Variants in PLEKHM3 observed in about 807,000 individuals in gnomAD.
PLEKHM3 encodes the protein pleckstrin homology domain containing M3, also known as pleckstrin homology domain-containing family M member 3.
Under a neutral mutation model 81.8 loss-of-function variants are expected in PLEKHM3, and 45 were observed. That is an observed-to-expected ratio of 0.55 (90% CI 0.43 to 0.71). The LOEUF is 0.71. Ranked by LOEUF, PLEKHM3 falls within the 30% of genes least tolerant of loss-of-function variation. The pLI is 0.00. For synonymous variants in PLEKHM3, 352 were observed against 356.4 expected (o/e 0.99, Z 0.14); for missense variants, 788 against 924.3 (o/e 0.85, Z 1.91).
At chr2:207,979,289 C>T (rs1292469896) in intron 2 of PLEKHM3, among the ~76,000 whole-genome samples, 1 of 152,090 alleles carries the variant, frequency 6.6e-6, no homozygotes, top group African/African-American at 2.4e-5. Flanking sequence ...AATCCCAGCA[C>T]TTTGGGAAGC....
At chr2:207,946,874 A>G (rs1690150528) in intron 3 of PLEKHM3, among the ~76,000 whole-genome samples, 1 of 152,206 alleles carries the variant, frequency 6.6e-6, no homozygotes, top group Non-Finnish European at 1.5e-5. Flanking sequence ...TGCTGAAGGC[A>G]TCTCATACAG....
At chr2:207,997,348 A>G (rs1317774108) in intron 2 of PLEKHM3, among the ~76,000 whole-genome samples, 1 of 152,214 alleles carries the variant, frequency 6.6e-6, no homozygotes, top group Non-Finnish European at 1.5e-5. Flanking sequence ...TACCTGATGA[A>G]GAAGACCCTT....
intron 7 of PLEKHM3, among the ~76,000 whole-genome samples, chr2:207,840,343 A>C (rs1231078413): frequency 6.6e-6 from 1 of 152,008 alleles, no homozygotes; most frequent in Non-Finnish European, 1.5e-5. Context: ...AGTGTGTGCC[A>C]CCATGACTGG....
chr2:207,951,284 G>C (rs1690319487), intron 3 of PLEKHM3, among the ~76,000 whole-genome samples: 3 of 152,148 alleles, frequency 2.0e-5, no homozygotes, highest in African/African-American at 7.2e-5. Flanking sequence ...AAATAGAGCT[G>C]TAAAGTAGAG....
intron 2 of PLEKHM3, among the ~76,000 whole-genome samples, chr2:207,978,285 G>A (rs903786721): frequency 6.6e-6 from 1 of 151,372 alleles, no homozygotes; most frequent in Non-Finnish European, 1.5e-5. Context: ...CTTTGCCAGG[G>A]TTCCATGTTT....
intron 7 of PLEKHM3, among the ~76,000 whole-genome samples, chr2:207,830,326 G>C (rs2092278255): frequency 6.6e-6 from 1 of 152,038 alleles, no homozygotes; most frequent in African/African-American, 2.4e-5. Flanking sequence ...AAGATTAAAT[G>C]AGGTAGGCCG....
chr2:207,925,952 T>A (rs1265134579), intron 5 of PLEKHM3, among the ~76,000 whole-genome samples: 2 of 151,846 alleles, frequency 1.3e-5, no homozygotes. Context: ...CCTGACCGAG[T>A]TACGGATCTA....
chr2:207,893,245 GTACCATT>G (rs1688115664), intron 6 of PLEKHM3, among the ~76,000 whole-genome samples: 1 of 152,220 alleles, frequency 6.6e-6, no homozygotes, highest in Admixed American at 6.5e-5. Context: ...TGGCCAAAAT[GTACCATT>G]GTGCTGCTGT....
chr2:207,884,987 G>A (rs975711142), intron 6 of PLEKHM3, among the ~76,000 whole-genome samples: 1 of 152,192 alleles, frequency 6.6e-6, no homozygotes, highest in African/African-American at 2.4e-5. Flanking sequence ...GAGTTCGTTG[G>A]GTAGACGAAG....
intron 6 of PLEKHM3, among the ~76,000 whole-genome samples, chr2:207,889,434 AACACACACACACAC>A (rs35082335): frequency 8.1e-4 from 105 of 129,240 alleles, no homozygotes; most frequent in East Asian, 3.9e-3. Context: ...GGTTTTTTTC[AACACACACACACAC>A]ACACACACAC....
At chr2:207,938,210 G>C (rs1435753490) in intron 4 of PLEKHM3, among the ~76,000 whole-genome samples, 1 of 152,186 alleles carries the variant, frequency 6.6e-6, no homozygotes, top group African/African-American at 2.4e-5. Context: ...TTTTTGATTA[G>C]GGGGATAGGG....
At chr2:207,874,514 C>T (rs1226050805) in intron 6 of PLEKHM3, among the ~76,000 whole-genome samples, 3 of 151,014 alleles carry the variant, frequency 2.0e-5, no homozygotes, top group Non-Finnish European at 3.0e-5. Context: ...GCGGAGGTTG[C>T]GGTGAGCCGA....
chr2:207,933,163 C>G (rs1198405074), intron 4 of PLEKHM3, among the ~76,000 whole-genome samples: 2 of 152,058 alleles, frequency 1.3e-5, no homozygotes, highest in Non-Finnish European at 2.9e-5. Context: ...CTAGAATTAG[C>G]CAAAATCTTC....
chr2:207,847,033 T>C (rs2105894213), intron 7 of PLEKHM3, among the ~76,000 whole-genome samples: 1 of 152,270 alleles, frequency 6.6e-6, no homozygotes, highest in African/African-American at 2.4e-5. Context: ...AATTAAGCTG[T>C]CTGAAATGCT....
At chr2:207,992,315 G>A (rs1385955847) in intron 2 of PLEKHM3, among the ~76,000 whole-genome samples, 1 of 152,144 alleles carries the variant, frequency 6.6e-6, no homozygotes, top group Non-Finnish European at 1.5e-5. Flanking sequence ...TGTAGAATCA[G>A]GATAATATCA....
intron 2 of PLEKHM3, among the ~76,000 whole-genome samples, chr2:207,988,428 A>G (rs1466317710): frequency 6.6e-6 from 1 of 152,198 alleles, no homozygotes; most frequent in African/African-American, 2.4e-5. Context: ...TACTGTTGTG[A>G]GGAAGAAATA....
rs1252979239 is a variant in PLEKHM3, at chr2:207,976,576, T to C, written c.1546+75A>G. 7.0e-7 allele frequency: 1 copy of C among 1,427,766 alleles called. No homozygotes were observed. Among genetic ancestry groups the C allele is most frequent in the Admixed American group, 2.3e-5 (1 of 44,222 alleles). 88.4% of individuals were successfully genotyped at this position (1,427,766 alleles called of 1,614,324 possible). ...AGCTGTGACTAGCCTATTAAGGGGA[T>C]TTTTAAAGTGAATTCCAATTGTGGG... On this transcript the variant is annotated intron_variant, in intron 3 of 7. Transcript: ENST00000427836. This position sits in a 1 kb window ranked among gnomAD's most constrained non-coding sequence, Gnocchi z 4.1.
intron 4 of PLEKHM3, among the ~76,000 whole-genome samples, chr2:207,945,989 G>A (rs1690113801): frequency 6.6e-6 from 1 of 151,902 alleles, no homozygotes; most frequent in African/African-American, 2.4e-5. Flanking sequence ...GATTATATAA[G>A]GCCTTGCCTA....
intron 2 of PLEKHM3, among the ~76,000 whole-genome samples, chr2:207,982,743 T>C (rs929999058): frequency 6.6e-6 from 1 of 151,792 alleles, no homozygotes; most frequent in African/African-American, 2.4e-5. Flanking sequence ...CATGCCCGGC[T>C]TATTTTTGTA....
Sources: allele counts gnomAD v4.1 joint callset (sites outside exome capture counted in the v4.1 genomes callset), GRCh38; gene constraint gnomAD v4.1.1; non-coding constraint Gnocchi (gnomAD v3.1); transcripts MANE v1.5; gene names NCBI Gene and HGNC (gene_info 2026-07-23, HGNC 2026-07-21).